ITSN1: variants seen among roughly 807,000 people sequenced by gnomAD.
The protein encoded by ITSN1 is intersectin 1.
A neutral mutation model predicts 239.8 loss-of-function variants in ITSN1; 58 were observed. The observed-to-expected ratio is 0.24, with a 90% confidence interval of 0.20 to 0.30. The LOEUF (loss-of-function observed/expected upper bound fraction) is 0.30. Among genes scored for constraint, ITSN1 ranks in the 10% least tolerant of loss-of-function variants. The pLI is 1.00. For synonymous variants in ITSN1, 780 were observed against 770.8 expected (o/e 1.01, Z -0.20); for missense variants, 1,558 against 2,103.3 (o/e 0.74, Z 5.07).
At chr21:33,844,607 A>G (rs2074929882) in intron 29 of ITSN1, among the ~76,000 whole-genome samples, 2 of 152,130 alleles carry the variant, frequency 1.3e-5, no homozygotes, top group African/African-American at 4.8e-5. Flanking sequence ...CAGCTGCCCC[A>G]GGCATGCTTA....
intron 5 of ITSN1, among the ~76,000 whole-genome samples, chr21:33,743,549 T>G (rs1406887855): frequency 6.6e-6 from 1 of 152,170 alleles, no homozygotes; most frequent in Non-Finnish European, 1.5e-5. Context: ...AGATTGAATG[T>G]ATGGGCAGCA....
At chr21:33,829,514 C>T in intron 26 of ITSN1, 110 bp from the exon 27 acceptor site, 1 of 1,136,814 alleles carries the variant, frequency 8.8e-7, no homozygotes, top group Non-Finnish European at 1.3e-6. Flanking sequence ...CAGCTCAATA[C>T]ATTGGTTTTG....
intron 1 of ITSN1, among the ~76,000 whole-genome samples, chr21:33,690,132 GC>G (rs2091440929): frequency 6.7e-6 from 1 of 150,170 alleles, no homozygotes; most frequent in African/African-American, 2.5e-5. Context: ...AAAAATACTA[GC>G]CTGGCGTGGT....
chr21:33,724,311 G>T (rs1026468438), intron 4 of ITSN1, among the ~76,000 whole-genome samples: 1 of 152,118 alleles, frequency 6.6e-6, no homozygotes, highest in Non-Finnish European at 1.5e-5. Flanking sequence ...ATAACCAAGC[G>T]GTTTTGGAAT....
chr21:33,874,401 C>T (rs370815977), intron 33 of ITSN1, among the ~76,000 whole-genome samples: 1 of 152,158 alleles, frequency 6.6e-6, no homozygotes, highest in East Asian at 1.9e-4. Flanking sequence ...TCTTATGCCC[C>T]AGGCTGCATG....
intron 1 of ITSN1, among the ~76,000 whole-genome samples, chr21:33,696,785 G>T (rs934809853): frequency 3.3e-5 from 5 of 152,078 alleles, no homozygotes; most frequent in African/African-American, 1.2e-4. Context: ...CTTTCCTAAA[G>T]CTGAAGGGCC....
rs759526275 is a variant in ITSN1, at chr21:33,886,284, C to T, written c.4844-3C>T. On this transcript the variant is annotated splice_region_variant and splice_polypyrimidine_tract_variant and intron_variant, in intron 38 of 39. Coordinates refer to ENST00000381318, the MANE Select transcript of ITSN1 (RefSeq NM_003024.3). ...ACCTGGCGAAGGCTTTTGTTCCCTCCAGGAAAGAGCAACCCGTACTGTGAG... is the reference window on the plus strand; with the variant it reads ...ACCTGGCGAAGGCTTTTGTTCCCTCTAGGAAAGAGCAACCCGTACTGTGAG... 15 of 1,613,464 alleles carry T rather than the reference C, an allele frequency of 9.3e-6. No individual in the cohort carries two copies. The African/African-American group carries it at 1.2e-4, about 13-fold the overall frequency.
intron 1 of ITSN1, among the ~76,000 whole-genome samples, chr21:33,678,257 T>C (rs2090717246): frequency 6.6e-6 from 1 of 152,198 alleles, no homozygotes; most frequent in African/African-American, 2.4e-5. Flanking sequence ...AGAGAGACTT[T>C]CCTTGACTAT....
Position 33,885,106 on chromosome 21 carries a change from G to A in ITSN1, c.4742G>A (p.Arg1581His), listed in dbSNP as rs1329516789. 10 of 1,613,968 alleles carry A rather than the reference G, an allele frequency of 6.2e-6. No individual in the cohort carries two copies. The highest frequency in any genetic ancestry group is 2.2e-5 in the East Asian group (1 of 44,880). Reference sequence around the variant, plus strand: ...TACATAGAGACTGAGAAAAAGAAGCGCGAGAAAGCGTACCTGGGTAATGCA... The same window carrying A: ...TACATAGAGACTGAGAAAAAGAAGCACGAGAAAGCGTACCTGGGTAATGCA... Reference protein sequence around the residue: ...ELYIETEKKKREKAYLVRSQR... With the variant: ...ELYIETEKKKHEKAYLVRSQR... The change falls in exon 37 of 40, where the codon CGC becomes CAC. Residue 1581 changes from arginine (R) to histidine (H), a missense_variant. By Grantham distance (29) the Arg-to-His change is conservative. Transcript: ENST00000381318.
intron 34 of ITSN1, among the ~76,000 whole-genome samples, chr21:33,878,085 G>A (rs1984302205): frequency 6.6e-6 from 1 of 151,398 alleles, no homozygotes; most frequent in Non-Finnish European, 1.5e-5. Flanking sequence ...GCCCAGGCTG[G>A]AGTGCAGTGG....
At chr21:33,724,041 A>C (rs1211640994) in intron 4 of ITSN1, among the ~76,000 whole-genome samples, 1 of 152,188 alleles carries the variant, frequency 6.6e-6, no homozygotes, top group Non-Finnish European at 1.5e-5. Flanking sequence ...ATCATTATGA[A>C]AATTAGTAAC....
At position 33,885,807 on chromosome 21, in the gene ITSN1, C is replaced by T. The variant is rs540036401; in HGVS notation, c.4843+285C>T. ...AGACAGGAAGGGCCTAGTTTCAAAG[C>T]CCACTCAATTAAGTATTTGTTTTTA... On this transcript the variant is annotated intron_variant, in intron 38 of 39. Transcript: ENST00000381318. Among the ~76,000 whole-genome samples, 3 of 152,256 alleles carry T rather than the reference C, an allele frequency of 2.0e-5. No individual in the cohort carries two copies. The South Asian group carries it at 6.2e-4, about 32-fold the overall frequency.
chr21:33,666,146 G>A (rs1164399044), intron 1 of ITSN1, among the ~76,000 whole-genome samples: 1 of 152,108 alleles, frequency 6.6e-6, no homozygotes, highest in African/African-American at 2.4e-5. Context: ...GGTCAGGCTG[G>A]TTTTGAACTC....
In ITSN1 at chr21:33,765,966, C is replaced by G; in HGVS notation, c.880C>G (p.Pro294Ala). 1.9e-6 allele frequency: 3 copies of G among 1,614,170 alleles called. No homozygotes were observed. The highest frequency in any genetic ancestry group is 2.5e-6 in the Non-Finnish European group (3 of 1,180,010). Residue 294 changes from proline to alanine, a missense_variant, in exon 10 of 40, where the codon CCA (proline) becomes GCA (alanine). Pro to Ala is a conservative substitution (Grantham distance 27, BLOSUM62 -1). Transcript: ENST00000381318. ...CATTGATGTAGCTATGTCTGGCCAA[C>G]CACTGCCACCTGTCCTGCCTCCAGA... The part of the protein sequence containing the change: ...HLIDVAMSGQ[P>A]LPPVLPPEYI...
intron 18 of ITSN1, 46 bp from the exon 19 acceptor site, chr21:33,799,762 T>G (rs1479798114): frequency 1.2e-6 from 2 of 1,605,160 alleles, no homozygotes; most frequent in African/African-American, 2.7e-5. Context: ...ATTTGTGTTC[T>G]CTGTAATTAT....
At chr21:33,740,202 G>A (rs561344101) in intron 5 of ITSN1, among the ~76,000 whole-genome samples, 2 of 152,284 alleles carry the variant, frequency 1.3e-5, no homozygotes, top group East Asian at 1.9e-4. Flanking sequence ...GTAGATTTCC[G>A]AGTTGGGATG....
chr21:33,777,951 A>G (rs2069777671), intron 14 of ITSN1, among the ~76,000 whole-genome samples: 1 of 152,126 alleles, frequency 6.6e-6, no homozygotes, highest in Non-Finnish European at 1.5e-5. Flanking sequence ...AGGTTGATGG[A>G]CTTCTCCTTT....
rs749125463 is a variant in ITSN1 at position 33,774,685 on chromosome 21, G to A, written c.1306-44G>A. The A allele has an allele frequency of 6.3e-6, 10 of 1,590,946 alleles. No individual in the cohort carries two copies. The Middle Eastern group carries it at 1.3e-3, about 213-fold the overall frequency. ...TTTTTGTGAAAAGACATTGTGTAGT[G>A]TAAGAACTGAAAAATTAGTAATTTG... On this transcript the variant is annotated intron_variant, in intron 12 of 39. Transcript: ENST00000381318.
In ITSN1 at chr21:33,772,218, G is replaced by C; in HGVS notation, c.1200G>C (p.Glu400Asp). 1.2e-6 allele frequency: 2 copies of C among 1,612,456 alleles called. No individual in the cohort carries two copies. The highest frequency in any genetic ancestry group is 2.2e-5 in the East Asian group (1 of 44,860). The change falls in exon 12 of 40, where the codon GAG becomes GAC. Residue 400 changes from glutamate (E) to aspartate (D), a missense_variant. This residue lies in a region of ITSN1 where 982 missense variants were observed against 1,209.9 expected (regional missense o/e 0.81). Transcript: ENST00000381318. Reference protein sequence around the residue: ...EQERKERERQEQERKRQLELE... With the variant: ...EQERKERERQDQERKRQLELE... Reference sequence around the variant, plus strand: ...AGAGGAAGGAGCGTGAGCGCCAGGAGCAAGAGCGCAAAAGACAACTGGAAC... The same window carrying C: ...AGAGGAAGGAGCGTGAGCGCCAGGACCAAGAGCGCAAAAGACAACTGGAAC...
Sources: allele counts gnomAD v4.1 joint callset (sites outside exome capture counted in the v4.1 genomes callset), GRCh38; gene constraint gnomAD v4.1.1; regional missense constraint gnomAD v4.1.1; transcripts MANE v1.5; gene names NCBI Gene and HGNC (gene_info 2026-07-23, HGNC 2026-07-21).